Variants in FBXL4 observed in about 807,000 individuals in gnomAD.
The protein encoded by FBXL4 is F-box and leucine rich repeat protein 4.
In FBXL4, 40 loss-of-function variants were observed where a neutral mutation model predicts 58.9. The ratio of observed to expected loss-of-function variants is 0.68; its 90% CI spans 0.53 to 0.88. The LOEUF (loss-of-function observed/expected upper bound fraction) is 0.88, where lower values mean the gene tolerates loss of function less well. Among genes scored for constraint, FBXL4 ranks in the 40% least tolerant of loss-of-function variants. FBXL4 has a pLI of 0.00. For missense variants in FBXL4, 676 were observed against 734.4 expected (o/e 0.92, Z 0.92); for synonymous variants, 263 against 265.5 (o/e 0.99, Z 0.09).
At chr6:98,939,075 CAAAA>C (rs3068704) in intron 1 of FBXL4, among the ~76,000 whole-genome samples, 54 of 25,246 alleles carry the variant, frequency 2.1e-3, no homozygotes, top group South Asian at 5.9e-3. Context: ...GACCTTGTCT[CAAAA>C]AAAAAAAAAA....
intron 7 of FBXL4, among the ~76,000 whole-genome samples, chr6:98,887,545 A>G (rs1771080992): frequency 1.3e-5 from 2 of 152,230 alleles, no homozygotes; most frequent in Admixed American, 1.3e-4. Flanking sequence ...AATTCACAGC[A>G]AATATTTTAC....
intron 2 of FBXL4, among the ~76,000 whole-genome samples, chr6:98,928,323 C>A (rs993277963): frequency 8.6e-5 from 13 of 151,958 alleles, no homozygotes; most frequent in African/African-American, 2.4e-4. Context: ...GGGAGATGTA[C>A]CAACTTTTCT....
chr6:98,882,793 T>C (rs575451861), intron 7 of FBXL4, among the ~76,000 whole-genome samples: 2 of 152,190 alleles, frequency 1.3e-5, no homozygotes, highest in Admixed American at 6.5e-5. Flanking sequence ...ATATTAACAT[T>C]AGAAATTGTA....
chr6:98,878,769 T>C (rs567819459), intron 8 of FBXL4, among the ~76,000 whole-genome samples: 50 of 152,154 alleles, frequency 3.3e-4, no homozygotes, highest in African/African-American at 1.2e-3. Context: ...AAATGGTCCT[T>C]ACCAATCTAA....
intron 1 of FBXL4, among the ~76,000 whole-genome samples, chr6:98,939,393 G>A (rs1293340073): frequency 6.6e-6 from 1 of 152,082 alleles, no homozygotes; most frequent in African/African-American, 2.4e-5. Context: ...GCTTTAAGCT[G>A]TCATACATTA....
chr6:98,913,588 G>A (rs1326868525), intron 5 of FBXL4, among the ~76,000 whole-genome samples: 1 of 152,176 alleles, frequency 6.6e-6, no homozygotes, highest in African/African-American at 2.4e-5. Flanking sequence ...CGAAATGAAG[G>A]CAGAAATAAA....
chr6:98,887,669 G>T (rs796567428), intron 7 of FBXL4, among the ~76,000 whole-genome samples: 3 of 150,004 alleles, frequency 2.0e-5, no homozygotes, highest in African/African-American at 7.5e-5. Context: ...AGAGATTTAT[G>T]TTGAATGATA....
At chr6:98,918,146 A>T (rs1772441196) in intron 4 of FBXL4, among the ~76,000 whole-genome samples, 1 of 152,154 alleles carries the variant, frequency 6.6e-6, no homozygotes, top group South Asian at 2.1e-4. Context: ...CATTTCTGTC[A>T]CTAGCCTCAT....
At chr6:98,940,569 C>T (rs574652613) in intron 1 of FBXL4, among the ~76,000 whole-genome samples, 31 of 152,196 alleles carry the variant, frequency 2.0e-4, no homozygotes, top group Admixed American at 5.9e-4. Context: ...CATCTTTTCA[C>T]GTGCTTATTT....
chr6:98,913,616 A>G (rs892004461), intron 5 of FBXL4, among the ~76,000 whole-genome samples: 6 of 152,226 alleles, frequency 3.9e-5, no homozygotes, highest in African/African-American at 1.2e-4. Flanking sequence ...TTTGAAACCA[A>G]TAAGAACAAA....
rs1031096600 is a variant in FBXL4, at chr6:98,926,509, A to G, written c.480T>C (p.Asn160=). 6.2e-7 allele frequency: 1 copy of G among 1,611,958 alleles called. No individual in the cohort carries two copies. Among genetic ancestry groups the G allele is most frequent in the Non-Finnish European group, 8.5e-7 (1 of 1,178,392 alleles). Residue 160 remains asparagine (N), a synonymous_variant, in exon 4 of 10, where the codon AAT becomes AAC. Coordinates refer to ENST00000369244, the MANE Select transcript of FBXL4 (RefSeq NM_001278716.2). ...CAGCTGGTGGATTTGGGGAATAAGGATTTGCAGAACAAGCGAGAATTCTAA... is the reference window on the plus strand; with the variant it reads ...CAGCTGGTGGATTTGGGGAATAAGGGTTTGCAGAACAAGCGAGAATTCTAA... The part of the protein sequence containing the change: ...AVIRILACSA[N]PYSPNPPAEV...
intron 4 of FBXL4, among the ~76,000 whole-genome samples, chr6:98,925,590 G>A (rs1772747981): frequency 1.3e-5 from 2 of 152,136 alleles, no homozygotes. Flanking sequence ...CCATCAATGG[G>A]GGACTAGTTA....
At chr6:98,913,807 A>C (rs1772206564) in intron 5 of FBXL4, among the ~76,000 whole-genome samples, 1 of 152,214 alleles carries the variant, frequency 6.6e-6, no homozygotes, top group Admixed American at 6.5e-5. Context: ...GCAAGACATA[A>C]CTAAAATCAG....
At chr6:98,927,422 G>A (rs1255854613) in intron 3 of FBXL4, among the ~76,000 whole-genome samples, 1 of 152,150 alleles carries the variant, frequency 6.6e-6, no homozygotes, top group Non-Finnish European at 1.5e-5. Flanking sequence ...AAATACTGCT[G>A]TAAATTCAAA....
At chr6:98,944,426 G>A (rs1241593471) in intron 1 of FBXL4, among the ~76,000 whole-genome samples, 1 of 152,044 alleles carries the variant, frequency 6.6e-6, no homozygotes, top group African/African-American at 2.4e-5. Flanking sequence ...AAGTAAAAAC[G>A]AATACAAATG....
At chr6:98,896,821 T>C in intron 7 of FBXL4, 1 of 982,734 alleles carries the variant, frequency 1.0e-6, no homozygotes, top group Non-Finnish European at 1.2e-6. Context: ...GCTTATGCTA[T>C]CTAGACCTAG....
At chr6:98,927,091 AT>A (rs1772820032) in intron 3 of FBXL4, 31 bp from the exon 4 acceptor site, 2 of 1,125,622 alleles carry the variant, frequency 1.8e-6, no homozygotes, top group South Asian at 3.1e-5. Context: ...GTGAAGTAAA[AT>A]AATTTAAATA....
intron 5 of FBXL4, among the ~76,000 whole-genome samples, chr6:98,911,568 C>A (rs12212965): frequency 0.36 from 54,389 of 152,092 alleles, 10,267 homozygotes; most frequent in Middle Eastern, 0.47. Context: ...CCCAGGCAAA[C>A]AGGGTCCGGA....
At chr6:98,940,596 T>G (rs904873429) in intron 1 of FBXL4, among the ~76,000 whole-genome samples, 6 of 152,146 alleles carry the variant, frequency 3.9e-5, no homozygotes, top group Non-Finnish European at 8.8e-5. Context: ...TATATCTTCT[T>G]TAGTGCAGTG....
Sources: allele counts gnomAD v4.1 joint callset (sites outside exome capture counted in the v4.1 genomes callset), GRCh38; gene constraint gnomAD v4.1.1; transcripts MANE v1.5; gene names NCBI Gene and HGNC (gene_info 2026-07-23, HGNC 2026-07-21).